Variants in TDRKH observed in about 807,000 individuals in gnomAD.
TDRKH encodes the protein tudor and KH domain-containing protein.
Under a neutral mutation model 61.3 loss-of-function variants are expected in TDRKH, and 28 were observed. That is an observed-to-expected ratio of 0.46 (90% CI 0.34 to 0.63). The LOEUF is 0.63. TDRKH is among the 20% of genes least tolerant of loss of function. The pLI is 0.01. For synonymous variants in TDRKH, 219 were observed against 244.4 expected (o/e 0.90, Z 0.97); for missense variants, 540 against 683.4 (o/e 0.79, Z 2.34).
chr1:151,771,195 C>T (rs554385707), downstream of TDRKH: 17 of 1,613,654 alleles, frequency 1.1e-5, no homozygotes, highest in Admixed American at 1.7e-5. Flanking sequence ...GGGATGTTGG[C>T]CACCTGCCCA....
At chr1:151,775,743 G>A in intron 9 of TDRKH, 77 bp downstream of exon 9, 1 of 1,550,186 alleles carries the variant, frequency 6.5e-7, no homozygotes, top group Non-Finnish European at 8.8e-7. Context: ...GCCTGGGAAT[G>A]TGAGAATTCC....
At position 151,781,498 on chromosome 1, in the gene TDRKH, C is replaced by A; in HGVS notation, c.214G>T (p.Gly72Ter). ...ACACTTACCTGTTTAATATTGGCTC[C>A]TTGCCGGCCAATGATGAGTTTCACA... ...EAVKLIIGRQ[G>*]ANIKQLRKQT... The change falls in exon 3 of 13, where the codon GGA becomes TGA. Residue 72 changes from glycine to a stop codon, truncating the protein, a stop_gained. Coordinates refer to ENST00000368824, the MANE Select transcript of TDRKH (RefSeq NM_001083965.2). LOFTEE classifies it high-confidence loss of function. 1 of 1,613,572 alleles carries A rather than the reference C, an allele frequency of 6.2e-7. No homozygotes were observed.
chr1:151,772,826 T>A (rs1220507120), downstream of TDRKH, among the ~76,000 whole-genome samples: 1 of 152,148 alleles, frequency 6.6e-6, no homozygotes, highest in Non-Finnish European at 1.5e-5. Context: ...GGCCTTTTCT[T>A]TTGAATAGTA....
chr1:151,767,051 T>C (rs11204883), downstream of TDRKH: 6,254 of 1,489,524 alleles, frequency 4.2e-3, 213 homozygotes, highest in African/African-American at 0.078. Context: ...CCCAGGAACA[T>C]AGAAACAGGC....
downstream of TDRKH, chr1:151,768,354 G>A: frequency 7.1e-7 from 1 of 1,407,436 alleles, no homozygotes; most frequent in Non-Finnish European, 9.5e-7. Context: ...CACCTGGCAT[G>A]CAGACAAGCC....
chr1:151,768,730 G>A (rs1270612273), downstream of TDRKH, among the ~76,000 whole-genome samples: 1 of 152,154 alleles, frequency 6.6e-6, no homozygotes, highest in Non-Finnish European at 1.5e-5. Context: ...ATTTGGCAGG[G>A]TCATAGGACA....
Position 151,778,788 on chromosome 1 carries a change from G to T in TDRKH, c.780C>A (p.Asp260Glu). Reference sequence around the variant, plus strand: ...CTTCCTTTGACACTACCACAGCCATGTCGCCTCCTCCTTTGGGTGGAGGAG... The same window carrying T: ...CTTCCTTTGACACTACCACAGCCATTTCGCCTCCTCCTTTGGGTGGAGGAG... ...LVTPPPKGGG[D>E]MAVVVSKEGS... is the part of the protein sequence containing the mutation. Residue 260 changes from aspartate to glutamate, a missense_variant, in exon 6 of 13, where the codon GAC becomes GAA. By Grantham distance (45) the Asp-to-Glu change is conservative. Coordinates refer to ENST00000368824, the MANE Select transcript of TDRKH (RefSeq NM_001083965.2). 1.2e-6 allele frequency: 2 copies of T among 1,614,182 alleles called. No individual in the cohort carries two copies. Among genetic ancestry groups the T allele is most frequent in the Non-Finnish European group, 1.7e-6 (2 of 1,180,038 alleles).
chr1:151,788,024 G>A (rs1053560427), intron 1 of TDRKH, among the ~76,000 whole-genome samples: 1 of 151,856 alleles, frequency 6.6e-6, no homozygotes, highest in African/African-American at 2.4e-5. Context: ...CAAGATGTGT[G>A]TAGGTTATAT....
chr1:151,787,824 A>AAAT (rs1242322362), intron 1 of TDRKH, among the ~76,000 whole-genome samples: 1 of 150,362 alleles, frequency 6.7e-6, no homozygotes, highest in East Asian at 1.9e-4. Flanking sequence ...AAAAAAAAAA[A>AAAT]AAAAAAAAAA....
Position 151,780,019 on chromosome 1 carries a change from A to T in TDRKH, c.353T>A (p.Ile118Asn). The T allele has an allele frequency of 6.2e-7, 1 of 1,614,206 alleles. No individual in the cohort carries two copies. Among genetic ancestry groups the T allele is most frequent in the Non-Finnish European group, 8.5e-7 (1 of 1,180,038 alleles). ...VCKAKAAIHQILTENTPVSEQ... is the reference protein window; with the variant it reads ...VCKAKAAIHQNLTENTPVSEQ... ...AGACACTGGGGTATTCTCTGTCAGG[A>T]TCTGATGGATTGCTGCTTTGGCCTT... Residue 118 changes from isoleucine to asparagine, a missense_variant, in exon 4 of 13, where the codon ATC (isoleucine) becomes AAC (asparagine). Around this residue, in one of 3 missense-constraint regions of TDRKH, gnomAD observed 156 missense variants for 218.0 expected, o/e 0.72. Transcript: ENST00000368824.
chr1:151,787,748 G>A (rs1457659663), intron 1 of TDRKH, among the ~76,000 whole-genome samples: 1 of 143,644 alleles, frequency 7.0e-6, no homozygotes, highest in African/African-American at 2.6e-5. Context: ...AAGGTAGGAG[G>A]ACTGCTTGAG....
At chr1:151,788,437 C>G (rs1190633957) in intron 1 of TDRKH, among the ~76,000 whole-genome samples, 1 of 152,096 alleles carries the variant, frequency 6.6e-6, no homozygotes, top group Admixed American at 6.6e-5. Context: ...GTCTTAAGGG[C>G]TTTGGGAAAC....
At chr1:151,787,235 T>C (rs1166023905) in intron 1 of TDRKH, among the ~76,000 whole-genome samples, 1 of 152,232 alleles carries the variant, frequency 6.6e-6, no homozygotes, top group Admixed American at 6.5e-5. Flanking sequence ...TATATATTTT[T>C]TGAGACGGAG....
chr1:151,775,778 T>C, intron 9 of TDRKH, 42 bp downstream of exon 9: 1 of 1,598,422 alleles, frequency 6.3e-7, no homozygotes, highest in Non-Finnish European at 8.6e-7. Flanking sequence ...ATGAAGTTAT[T>C]CTATTTGGAG....
intron 3 of TDRKH, among the ~76,000 whole-genome samples, chr1:151,781,227 G>A (rs1264710509): frequency 2.0e-5 from 3 of 150,572 alleles, no homozygotes; most frequent in Non-Finnish European, 4.4e-5. Flanking sequence ...TGAGGCAGGA[G>A]AATCACTTGA....
At position 151,774,740 on chromosome 1, in the gene TDRKH, T is replaced by C; in HGVS notation, c.1603A>G (p.Thr535Ala). The C allele has an allele frequency of 6.2e-7, 1 of 1,614,206 alleles. No individual in the cohort carries two copies. Among genetic ancestry groups the C allele is most frequent in the South Asian group, 1.1e-5 (1 of 91,084 alleles). Residue 535 changes from threonine to alanine, a missense_variant, in exon 12 of 13, where the codon ACA becomes GCA. Physicochemically the swap from Thr to Ala is moderately conservative, Grantham distance 58. Around this residue, in one of 3 missense-constraint regions of TDRKH, gnomAD observed 379 missense variants for 443.8 expected, o/e 0.85. Coordinates refer to ENST00000368824, the MANE Select transcript of TDRKH (RefSeq NM_001083965.2). ...AAGCTGAGGCAGGACAGGGTATGTG[T>C]TATCTCTCCAGAGCTCTTTTTGGTC... ...TETKKSSGEITHTLSCLSLSE... is the reference protein window; with the variant it reads ...TETKKSSGEIAHTLSCLSLSE...
At chr1:151,776,881 G>A (rs1475449779) in intron 6 of TDRKH, among the ~76,000 whole-genome samples, 1 of 152,182 alleles carries the variant, frequency 6.6e-6, no homozygotes, top group Non-Finnish European at 1.5e-5. Flanking sequence ...CCATATGCTA[G>A]CTACAGCATG....
chr1:151,778,737 G>A lies in TDRKH; in HGVS notation c.831C>T (p.Asp277=), dbSNP rs374853012. ...CCTGGGCTTCAGACTTCTGAAAGCT[G>A]TCATCACTAGGTTTCTCCCAGGAAC... ...KEGSWEKPSD[D]SFQKSEAQAI... The change falls in exon 6 of 13, where the codon GAC becomes GAT. Residue 277 remains aspartate (D), a synonymous_variant. Coordinates refer to ENST00000368824, the MANE Select transcript of TDRKH (RefSeq NM_001083965.2). 3 of 1,614,074 alleles carry A rather than the reference G, an allele frequency of 1.9e-6. No homozygotes were observed. The African/African-American group carries it at 4.0e-5, about 22-fold the overall frequency.
chr1:151,770,081 G>A (rs1297589690), downstream of TDRKH: 4 of 1,448,800 alleles, frequency 2.8e-6, no homozygotes, highest in East Asian at 2.4e-5. Flanking sequence ...CGTGGAGAGA[G>A]AGGGAGAGGG....
Sources: gnomAD v4.1 joint callset for allele counts (sites outside exome capture counted in the v4.1 genomes callset) on GRCh38, gnomAD v4.1.1 for gene constraint, gnomAD v4.1.1 regional missense constraint, MANE v1.5 for transcripts, NCBI Gene and HGNC (gene_info 2026-07-23, HGNC 2026-07-21) for gene names.